Variants in PIP5K1A observed in about 807,000 individuals in gnomAD.
The protein encoded by PIP5K1A is phosphatidylinositol-4-phosphate 5-kinase type 1 alpha.
PIP5K1A carries 46 observed loss-of-function variants against 72.9 expected under a neutral mutation model. That is an observed-to-expected ratio of 0.63 (90% confidence interval 0.50 to 0.81). The LOEUF (loss-of-function observed/expected upper bound fraction) is 0.81. Among genes scored for constraint, PIP5K1A ranks in the 30% least tolerant of loss-of-function variants. The probability of loss-of-function intolerance (pLI) is 0.00; values close to 1 mark genes in which losing one functional copy is unlikely to be tolerated. For synonymous variants in PIP5K1A, 228 were observed against 255.1 expected (o/e 0.89, Z 1.01); for missense variants, 458 against 706.1 (o/e 0.65, Z 3.98).
chr1:151,195,884 A>T (rs1336163689), upstream of PIP5K1A, among the ~76,000 whole-genome samples: 151 of 62,272 alleles, frequency 2.4e-3, no homozygotes, highest in South Asian at 4.5e-3. Context: ...ACACCAGCCG[A>T]TTTTTTTTTT....
chr1:151,215,702 C>T (rs897146786), intron 1 of PIP5K1A, among the ~76,000 whole-genome samples: 1 of 152,106 alleles, frequency 6.6e-6, no homozygotes, highest in Non-Finnish European at 1.5e-5. Flanking sequence ...GAATTCACTC[C>T]AGAGTGAAAT....
intron 10 of PIP5K1A, 77 bp from the exon 11 acceptor site, chr1:151,239,053 A>T: frequency 9.7e-7 from 1 of 1,032,466 alleles, no homozygotes; most frequent in East Asian, 2.4e-5. Context: ...TTACCCCTTT[A>T]ACCCCCTAAA....
chr1:151,195,432 A>G (rs1455131638), upstream of PIP5K1A: 1 of 152,030 alleles, frequency 6.6e-6, no homozygotes, highest in Non-Finnish European at 1.5e-5. Context: ...CTGCCACGTC[A>G]CCACAGTTCT....
intron 1 of PIP5K1A, among the ~76,000 whole-genome samples, chr1:151,200,159 G>A (rs1685017152): frequency 6.6e-6 from 1 of 151,206 alleles, no homozygotes; most frequent in Non-Finnish European, 1.5e-5. Context: ...TGATGTTTTG[G>A]AAATTAGGCC....
chr1:151,234,760 A>G (rs1690618442), intron 8 of PIP5K1A, among the ~76,000 whole-genome samples: 1 of 152,148 alleles, frequency 6.6e-6, no homozygotes, highest in African/African-American at 2.4e-5. Context: ...TACCAACATC[A>G]TCCTTCCTCA....
At chr1:151,195,477 C>T (rs978908671), upstream of PIP5K1A, among the ~76,000 whole-genome samples, 2 of 152,094 alleles carry the variant, frequency 1.3e-5, no homozygotes, top group Admixed American at 1.3e-4. Context: ...AGGAGTGGTT[C>T]CATGACTCAG....
chr1:151,220,067 G>A (rs1248444050), intron 1 of PIP5K1A, among the ~76,000 whole-genome samples: 1 of 151,830 alleles, frequency 6.6e-6, no homozygotes, highest in Non-Finnish European at 1.5e-5. Context: ...GTGCAGTGGC[G>A]CGATCTCAGC....
upstream of PIP5K1A, among the ~76,000 whole-genome samples, chr1:151,195,884 ATTTTTTT>A (rs1157195462): frequency 1.9e-3 from 121 of 62,298 alleles, 1 homozygote; most frequent in Non-Finnish European, 2.7e-3. Context: ...ACACCAGCCG[ATTTTTTT>A]TTTTTTTTTT....
intron 8 of PIP5K1A, among the ~76,000 whole-genome samples, chr1:151,236,030 A>G (rs1175156693): frequency 1.3e-5 from 2 of 151,092 alleles, no homozygotes; most frequent in African/African-American, 2.4e-5. Context: ...CTGAGGCAGG[A>G]AAATCGCTTG....
intron 1 of PIP5K1A, among the ~76,000 whole-genome samples, chr1:151,215,614 C>G (rs1169575935): frequency 1.3e-5 from 2 of 152,208 alleles, no homozygotes; most frequent in Non-Finnish European, 2.9e-5. Flanking sequence ...GTTTGAGCCT[C>G]TGCGCCCGGC....
intron 3 of PIP5K1A, among the ~76,000 whole-genome samples, chr1:151,226,546 T>C (rs1689167593): frequency 6.6e-6 from 1 of 151,520 alleles, no homozygotes; most frequent in African/African-American, 2.4e-5. Flanking sequence ...ACCCCATCTC[T>C]ACTAATAATA....
At chr1:151,201,464 C>G (rs1449069609) in intron 1 of PIP5K1A, among the ~76,000 whole-genome samples, 1 of 151,974 alleles carries the variant, frequency 6.6e-6, no homozygotes, top group Non-Finnish European at 1.5e-5. Flanking sequence ...AGTCTCCTGA[C>G]TCAGTCTCCC....
intron 1 of PIP5K1A, among the ~76,000 whole-genome samples, chr1:151,209,881 T>C (rs922000893): frequency 4.0e-5 from 6 of 151,834 alleles, no homozygotes; most frequent in African/African-American, 1.5e-4. Flanking sequence ...CTGCATTTTT[T>C]TTTCTTTCTT....
Position 151,234,540 on chromosome 1 carries a change from A to T in PIP5K1A, c.939+44A>T, listed in dbSNP as rs148463770. On this transcript the variant is annotated intron_variant, in intron 8 of 15. Coordinates refer to ENST00000368888, the MANE Select transcript of PIP5K1A (RefSeq NM_001135638.2). ...CATCAAAAATCTCAGTTACTAAAAC[A>T]GCTTGATTGTTCTTAGGCATTAAGT... is the stretch of plus-strand genomic sequence containing the variant. The T allele has an allele frequency of 6.2e-5, 92 of 1,495,212 alleles. No individual in the cohort carries two copies. In the Admixed American group the frequency reaches 6.5e-4, roughly 11 times the overall value. The allele number at this position is 1,495,212 out of a possible 1,614,324, so 92.6% of individuals were successfully genotyped here.
chr1:151,238,104 G>A (rs1570979992), intron 9 of PIP5K1A, 78 bp from the exon 10 acceptor site: 4 of 829,028 alleles, frequency 4.8e-6, no homozygotes, highest in East Asian at 2.4e-5. Flanking sequence ...GCAGTTATGT[G>A]TAGGTTTCAC....
At chr1:151,229,080 A>G (rs1689596077) in intron 4 of PIP5K1A, among the ~76,000 whole-genome samples, 1 of 143,432 alleles carries the variant, frequency 7.0e-6, no homozygotes, top group Non-Finnish European at 1.5e-5. Context: ...AGACATGAGA[A>G]TAGCTTGAAC....
At chr1:151,203,816 C>CT (rs1250713516) in intron 1 of PIP5K1A, among the ~76,000 whole-genome samples, 1 of 147,942 alleles carries the variant, frequency 6.8e-6, no homozygotes, top group African/African-American at 2.5e-5. Context: ...GAGTGAGACT[C>CT]TGTCTCAAAA....
intron 1 of PIP5K1A, among the ~76,000 whole-genome samples, chr1:151,219,565 G>A (rs1188426401): frequency 1.3e-5 from 2 of 150,174 alleles, no homozygotes; most frequent in African/African-American, 2.5e-5. Flanking sequence ...GTTGTGGTGC[G>A]TGCCTGTAAT....
chr1:151,222,786 C>T (rs767751343), intron 1 of PIP5K1A, among the ~76,000 whole-genome samples: 2 of 152,154 alleles, frequency 1.3e-5, no homozygotes, highest in Non-Finnish European at 2.9e-5. Context: ...GTTGCACAAG[C>T]ATGTGGGTAT....
Sources: gnomAD v4.1 joint callset for allele counts (sites outside exome capture counted in the v4.1 genomes callset) on GRCh38, gnomAD v4.1.1 for gene constraint, MANE v1.5 for transcripts, NCBI Gene and HGNC (gene_info 2026-07-23, HGNC 2026-07-21) for gene names.